The following DPEP1 variants were observed in gnomAD, a reference collection of about 807,000 sequenced individuals.
DPEP1 encodes the protein beta-lactamase.
Under a neutral mutation model 42.3 loss-of-function variants are expected in DPEP1, and 50 were observed. That is an observed-to-expected ratio of 1.18 (90% CI 0.94 to 1.50). DPEP1 has a LOEUF of 1.50. Among genes scored for constraint, DPEP1 ranks in the 40% most tolerant of loss-of-function variants. The probability of loss-of-function intolerance (pLI) is 0.00; values close to 1 mark genes in which losing one functional copy is unlikely to be tolerated. For synonymous variants in DPEP1, 297 were observed against 234.0 expected, an observed-to-expected ratio of 1.27 and a Z score of -2.46; for missense variants, 663 against 553.0, an observed-to-expected ratio of 1.20 and a Z score of -1.99.
intron 1 of DPEP1, among the ~76,000 whole-genome samples, chr16:89,623,575 C>T (rs568558027): frequency 1.3e-5 from 2 of 152,266 alleles, no homozygotes; most frequent in East Asian, 3.9e-4. Flanking sequence ...TGAGTCCAAG[C>T]AGATCTGCTT....
chr16:89,636,490 G>C, intron 4 of DPEP1, 43 bp from the exon 5 acceptor site: 1 of 1,602,108 alleles, frequency 6.2e-7, no homozygotes, highest in Non-Finnish European at 8.5e-7. Flanking sequence ...TCACCCTCCA[G>C]ATACCAGGTG....
chr16:89,621,632 C>T (rs1171222778), intron 1 of DPEP1, among the ~76,000 whole-genome samples: 4 of 152,192 alleles, frequency 2.6e-5, no homozygotes, highest in Non-Finnish European at 1.5e-5. Flanking sequence ...TCAGATGGGC[C>T]CCACGCTGAG....
Position 89,637,708 on chromosome 16 carries a change from G to A in DPEP1, c.929+1G>A. 1 of 1,613,086 alleles carries A rather than the reference G, an allele frequency of 6.2e-7. No homozygotes were observed. The highest frequency in any genetic ancestry group is 8.5e-7 in the Non-Finnish European group (1 of 1,179,982). On this transcript the variant is annotated splice_donor_variant, in intron 9 of 10. Coordinates refer to ENST00000690203, the MANE Select transcript of DPEP1 (RefSeq NM_001389466.1). LOFTEE classifies it high-confidence loss of function. ...GTGGGGACTTTGATGGTGTTCCAAG[G>A]TAAGGGGCTGAGAGCTCTGTCCTGT...
intron 10 of DPEP1, 23 bp from the exon 11 acceptor site, chr16:89,638,029 C>G: frequency 6.2e-7 from 1 of 1,611,116 alleles, no homozygotes; most frequent in Non-Finnish European, 8.5e-7. Context: ...CAGGCTGCCC[C>G]ACCCGTGTCT....
rs1463713392 is a variant in DPEP1, at chr16:89,636,640, G to A, written c.478G>A (p.Gly160Ser). The change falls in exon 5 of 11, where the codon GGC becomes AGC. Residue 160 changes from glycine to serine, a missense_variant. By Grantham distance (56) the Gly-to-Ser change is moderately conservative (BLOSUM62 0). Transcript: ENST00000690203. ...CGTCCTGCGGGCACTCTATCAGCTG[G>A]GCATGCGGTACCTGACCCTCACCCA... ...LGVLRALYQL[G>S]MRYLTLTHSC... 1 of 1,612,550 alleles carries A rather than the reference G, an allele frequency of 6.2e-7. No homozygotes were observed.
intron 1 of DPEP1, chr16:89,620,750 G>A (rs1018221141): frequency 6.6e-6 from 1 of 152,130 alleles, no homozygotes; most frequent in African/African-American, 2.4e-5. Flanking sequence ...GCTGAGCCGA[G>A]GTACTCGGGA....
At chr16:89,615,588 T>G (rs1011570089) in intron 1 of DPEP1, among the ~76,000 whole-genome samples, 10 of 152,200 alleles carry the variant, frequency 6.6e-5, no homozygotes, top group African/African-American at 2.4e-4. Context: ...CTGCTCAGCC[T>G]TCCCAGGTCT....
chr16:89,626,994 G>A (rs1023261561), intron 1 of DPEP1, among the ~76,000 whole-genome samples: 1 of 151,968 alleles, frequency 6.6e-6, no homozygotes, highest in Non-Finnish European at 1.5e-5. Context: ...AGGTATGGTG[G>A]CTCACACCTG....
chr16:89,630,405 C>A lies in DPEP1; in HGVS notation c.-6C>A. On this transcript the variant is annotated 5_prime_UTR_variant, in exon 2 of 11. Coordinates refer to ENST00000690203, the MANE Select transcript of DPEP1 (RefSeq NM_001389466.1). Reference sequence around the variant, plus strand: ...GCAGTGCACACAGGTCCCCGGGGACCCCACCATGTGGAGCGGATGGTGGCT... The same window carrying A: ...GCAGTGCACACAGGTCCCCGGGGACACCACCATGTGGAGCGGATGGTGGCT... 1.2e-6 allele frequency: 2 copies of A among 1,608,418 alleles called. No individual in the cohort carries two copies. Among genetic ancestry groups the A allele is most frequent in the Non-Finnish European group, 1.7e-6 (2 of 1,177,068 alleles).
rs201190448 is a variant in DPEP1 at position 89,636,063 on chromosome 16, C to T, written c.237+23C>T. On this transcript the variant is annotated intron_variant, in intron 3 of 10. Coordinates refer to ENST00000690203, the MANE Select transcript of DPEP1 (RefSeq NM_001389466.1). ...CAGGTACCGCCTGCCCTGCCTTGTG[C>T]TTGCCCTGTGTGGGGTCATCCCGTC... 9.7e-5 allele frequency: 155 copies of T among 1,594,924 alleles called. No individual in the cohort carries two copies. In the African/African-American group the frequency reaches 1.3e-3, roughly 13 times the overall value.
chr16:89,630,125 C>G (rs1034573422), intron 1 of DPEP1, among the ~76,000 whole-genome samples, 180 bp from the exon 2 acceptor site: 8 of 152,210 alleles, frequency 5.3e-5, no homozygotes, highest in Admixed American at 1.3e-4. Flanking sequence ...GGGATCCCAG[C>G]TTCTTACTAT....
At chr16:89,627,651 CTTTTTTTTT>C (rs1175287086) in intron 1 of DPEP1, among the ~76,000 whole-genome samples, 43 of 52,868 alleles carry the variant, frequency 8.1e-4, no homozygotes, top group African/African-American at 2.9e-3. Flanking sequence ...GATATTTCTT[CTTTTTTTTT>C]TTTTTTTTTT....
intron 1 of DPEP1, among the ~76,000 whole-genome samples, chr16:89,626,264 G>A: frequency 6.6e-6 from 1 of 152,206 alleles, no homozygotes; most frequent in East Asian, 1.9e-4. Context: ...CCCGCTGGAG[G>A]TGAGTGCATC....
intron 1 of DPEP1, among the ~76,000 whole-genome samples, chr16:89,626,007 C>T (rs1229650342): frequency 3.3e-5 from 5 of 152,196 alleles, no homozygotes; most frequent in Non-Finnish European, 7.3e-5. Flanking sequence ...GTGCAAAATG[C>T]AGTCCACGCG....
At chr16:89,625,137 T>C (rs753096018) in intron 1 of DPEP1, among the ~76,000 whole-genome samples, 17 of 152,054 alleles carry the variant, frequency 1.1e-4, no homozygotes, top group Non-Finnish European at 2.5e-4. Context: ...GGATTCAGCG[T>C]GCTTTGGCCT....
chr16:89,626,236 C>T (rs765655044), intron 1 of DPEP1, among the ~76,000 whole-genome samples: 1 of 152,180 alleles, frequency 6.6e-6, no homozygotes, highest in Non-Finnish European at 1.5e-5. Context: ...TTATAATCCC[C>T]ACCTGTCAAG....
downstream of DPEP1, chr16:89,640,692 T>TC (rs1401975185): frequency 1.0e-6 from 1 of 960,818 alleles, no homozygotes; most frequent in Non-Finnish European, 1.2e-6. Context: ...ACTCGGGGGG[T>TC]CCCTGGTGGG....
intron 1 of DPEP1, among the ~76,000 whole-genome samples, chr16:89,626,786 G>T (rs2059519045): frequency 6.6e-6 from 1 of 152,074 alleles, no homozygotes; most frequent in Non-Finnish European, 1.5e-5. Flanking sequence ...CCAGCCATGT[G>T]GAACTGTGAG....
chr16:89,629,572 C>T (rs943768698), intron 1 of DPEP1, among the ~76,000 whole-genome samples: 2 of 151,770 alleles, frequency 1.3e-5, no homozygotes, highest in Non-Finnish European at 2.9e-5. Flanking sequence ...TGGTTTAGCC[C>T]CAGTGCTCAG....
Sources: allele counts gnomAD v4.1 joint callset (sites outside exome capture counted in the v4.1 genomes callset), GRCh38; gene constraint gnomAD v4.1.1; transcripts MANE v1.5; gene names NCBI Gene and HGNC (gene_info 2026-07-23, HGNC 2026-07-21).